Variants in NBEAL1 observed in about 807,000 individuals in gnomAD.
The protein encoded by NBEAL1 is neurobeachin like 1, also known as neurobeachin-like protein 1.
In NBEAL1, 273 loss-of-function variants were observed where a neutral mutation model predicts 351.3. The ratio of observed to expected loss-of-function variants is 0.78; its 90% confidence interval spans 0.70 to 0.86. NBEAL1 has a LOEUF of 0.86. Among genes scored for constraint, NBEAL1 ranks in the 40% least tolerant of loss-of-function variants. NBEAL1 has a pLI of 0.00. For missense variants in NBEAL1, 2,961 were observed against 3,201.3 expected (o/e 0.92, Z 1.81); for synonymous variants, 1,050 against 1,086.4 (o/e 0.97, Z 0.66).
intron 11 of NBEAL1, among the ~76,000 whole-genome samples, chr2:203,098,391 G>T (rs1281252544): frequency 6.6e-6 from 1 of 151,940 alleles, no homozygotes. Context: ...GATGTGAAAT[G>T]CCAATTTACA....
chr2:203,023,404 G>A lies in NBEAL1; in HGVS notation c.51+6969G>A, dbSNP rs2060799793. 2.6e-5 allele frequency among the ~76,000 whole-genome samples: 4 copies of A among 152,216 alleles called. No individual in the cohort carries two copies. The South Asian group carries it at 8.3e-4, about 32-fold the overall frequency. ...CTTACATGTTTATTTTCAGAATTTA[G>A]GTATGAAAGCAAGAAATGTATAGTT... On this transcript the variant is annotated intron_variant, in intron 2 of 55. Transcript: ENST00000683969.
intron 3 of NBEAL1, among the ~76,000 whole-genome samples, chr2:203,044,169 A>G (rs1335838717): frequency 6.6e-6 from 1 of 152,170 alleles, no homozygotes; most frequent in Non-Finnish European, 1.5e-5. Flanking sequence ...TGAGTGTACT[A>G]AAAAAAGACT....
chr2:203,183,898 T>TG (rs1173969344), intron 44 of NBEAL1, among the ~76,000 whole-genome samples: 3 of 148,012 alleles, frequency 2.0e-5, no homozygotes, highest in Non-Finnish European at 3.0e-5. Flanking sequence ...GCCAACATGG[T>TG]GAAACCTCAT....
At chr2:203,201,787 C>T in intron 50 of NBEAL1, 72 bp downstream of exon 50, 3 of 1,278,498 alleles carry the variant, frequency 2.3e-6, no homozygotes, top group Non-Finnish European at 3.2e-6. Context: ...GTAGTACGTG[C>T]TCTTTGTAAA....
chr2:203,087,116 G>C (rs2061976633), intron 10 of NBEAL1, among the ~76,000 whole-genome samples: 1 of 111,672 alleles, frequency 9.0e-6, no homozygotes, highest in African/African-American at 3.5e-5. Context: ...TTTTTTTGGA[G>C]ACAGTCTTGC....
chr2:203,059,360 T>G (rs2061458954), intron 6 of NBEAL1, among the ~76,000 whole-genome samples: 1 of 152,266 alleles, frequency 6.6e-6, no homozygotes, highest in Non-Finnish European at 1.5e-5. Flanking sequence ...AAAGATTTAT[T>G]ACTTTTTCAT....
rs959278014 is a variant in NBEAL1 at position 203,223,309 on chromosome 2, G to A, written c.*5955G>A. Among the ~76,000 whole-genome samples, 4 of 151,898 alleles carry A rather than the reference G, an allele frequency of 2.6e-5. No individual in the cohort carries two copies. The highest frequency in any genetic ancestry group is 4.8e-5 in the African/African-American group (2 of 41,372). ...ATTCAATATTTGTTTTTCATGGTAC[G>A]GTTTTCATGTTTCCTTGGAAACATA... On this transcript the variant is annotated 3_prime_UTR_variant, in exon 56 of 56. Transcript: ENST00000683969.
At chr2:203,141,566 A>G (rs2063383459) in intron 31 of NBEAL1, among the ~76,000 whole-genome samples, 2 of 150,492 alleles carry the variant, frequency 1.3e-5, no homozygotes, top group Admixed American at 6.6e-5. Context: ...TATTTTTAGT[A>G]GAGGTGGGGT....
In NBEAL1 at chr2:203,217,793, G is replaced by C; in HGVS notation, c.*439G>C. ...TTTATTTATGGAACTCCTGATTGGG[G>C]ATAATATTTTAAAGGTATCTGTTGC... On this transcript the variant is annotated 3_prime_UTR_variant, in exon 56 of 56. Transcript: ENST00000683969. 3.1e-6 allele frequency: 3 copies of C among 982,610 alleles called. No individual in the cohort carries two copies. Among genetic ancestry groups the C allele is most frequent in the Non-Finnish European group, 3.6e-6 (3 of 827,392 alleles). 60.9% of individuals were successfully genotyped at this position (982,610 alleles called of 1,614,324 possible).
At chr2:203,195,049 T>C (rs571197588) in intron 47 of NBEAL1, among the ~76,000 whole-genome samples, 1 of 151,808 alleles carries the variant, frequency 6.6e-6, no homozygotes, top group South Asian at 2.1e-4. Context: ...ATATAAAAAA[T>C]TAGCAGGGCA....
rs370151750 is a variant in NBEAL1 at position 203,095,598 on chromosome 2, T to C, written c.1099-1949T>C. The stretch of plus-strand genomic sequence containing the variant: ...GAGCCACCGCGCCCGGCCCAAGAAT[T>C]GTTTTAAAGATTCTTCTTACGGATT... On this transcript the variant is annotated intron_variant, in intron 10 of 55. Transcript: ENST00000683969. Among the ~76,000 whole-genome samples the C allele has an allele frequency of 1.4e-4, 22 of 152,078 alleles. No individual in the cohort carries two copies. The East Asian group carries it at 2.1e-3, about 15-fold the overall frequency.
chr2:203,030,098 G>C (rs2060926582), intron 2 of NBEAL1, among the ~76,000 whole-genome samples: 1 of 152,214 alleles, frequency 6.6e-6, no homozygotes, highest in Admixed American at 6.5e-5. Flanking sequence ...TTCCAGGCAA[G>C]TGTAAGGCAT....
At chr2:203,177,073 C>T (rs1649807343) in intron 42 of NBEAL1, among the ~76,000 whole-genome samples, 1 of 150,596 alleles carries the variant, frequency 6.6e-6, no homozygotes, top group Non-Finnish European at 1.5e-5. Context: ...ATAGATTGAA[C>T]CCAGGAGGTC....
At chr2:203,153,302 ATTT>A (rs5837843) in intron 35 of NBEAL1, among the ~76,000 whole-genome samples, 1 of 124,136 alleles carries the variant, frequency 8.1e-6, no homozygotes, top group Non-Finnish European at 1.6e-5. Flanking sequence ...CATGCCCAGC[ATTT>A]TTTTTTTTTT....
chr2:203,153,768 A>C (rs991347109), intron 35 of NBEAL1, among the ~76,000 whole-genome samples: 5 of 152,178 alleles, frequency 3.3e-5, no homozygotes, highest in African/African-American at 1.2e-4. Flanking sequence ...AAATGACTTT[A>C]ATAGTTACTT....
chr2:203,015,694 C>T (rs1342211383), intron 1 of NBEAL1: 1 of 152,496 alleles, frequency 6.6e-6, no homozygotes, highest in African/African-American at 2.4e-5. Context: ...GAACTCCTGA[C>T]CTCAGGTGAT....
chr2:203,177,650 C>T (rs2064551549), intron 42 of NBEAL1, among the ~76,000 whole-genome samples: 1 of 152,058 alleles, frequency 6.6e-6, no homozygotes, highest in Non-Finnish European at 1.5e-5. Flanking sequence ...AATTGGAAGC[C>T]TTATAAATAC....
chr2:203,064,063 G>C (rs1193320808), intron 6 of NBEAL1, among the ~76,000 whole-genome samples: 1 of 151,894 alleles, frequency 6.6e-6, no homozygotes, highest in African/African-American at 2.4e-5. Context: ...TTGTTTGTTT[G>C]TTTGTTTTGA....
chr2:203,147,193 A>G (rs188936944), intron 33 of NBEAL1, among the ~76,000 whole-genome samples: 1 of 152,166 alleles, frequency 6.6e-6, no homozygotes. Flanking sequence ...AATATATAAA[A>G]AAGCATTCAC....
Sources: allele counts gnomAD v4.1 joint callset (sites outside exome capture counted in the v4.1 genomes callset), GRCh38; gene constraint gnomAD v4.1.1; transcripts MANE v1.5; gene names NCBI Gene and HGNC (gene_info 2026-07-23, HGNC 2026-07-21).